Variants in PAK1 observed in about 807,000 individuals in gnomAD.
The protein encoded by PAK1 is p21 (RAC1) activated kinase 1.
In PAK1, 29 loss-of-function variants were observed where a neutral mutation model predicts 67.4. The ratio of observed to expected loss-of-function variants is 0.43; its 90% CI spans 0.32 to 0.59. The LOEUF is 0.59. Ranked by LOEUF, PAK1 falls within the 20% of genes least tolerant of loss-of-function variation. PAK1 has a pLI of 0.07. For missense variants in PAK1, 337 were observed against 670.7 expected (o/e 0.50, Z 5.50); for synonymous variants, 223 against 237.4 (o/e 0.94, Z 0.56).
chr11:77,465,706 G>A (rs1175408778), intron 1 of PAK1, among the ~76,000 whole-genome samples: 2 of 152,156 alleles, frequency 1.3e-5, no homozygotes, highest in African/African-American at 4.8e-5. Context: ...GCTCATGCCT[G>A]TAATTCCAGC....
chr11:77,395,309 G>A (rs955425449), intron 1 of PAK1, among the ~76,000 whole-genome samples: 1 of 152,150 alleles, frequency 6.6e-6, no homozygotes, highest in Non-Finnish European at 1.5e-5. Context: ...GAGCCAGAAT[G>A]TTCCTCAAAT....
At chr11:77,462,474 A>C (rs965618614) in intron 1 of PAK1, among the ~76,000 whole-genome samples, 1 of 151,806 alleles carries the variant, frequency 6.6e-6, no homozygotes, top group African/African-American at 2.4e-5. Context: ...AATACCAGAC[A>C]TTGAAAGGAT....
At chr11:77,460,159 GAAA>G (rs71043579) in intron 1 of PAK1, among the ~76,000 whole-genome samples, 1 of 97,116 alleles carries the variant, frequency 1.0e-5, no homozygotes, top group East Asian at 3.2e-4. Flanking sequence ...CTGTAGAATA[GAAA>G]AAAAAAAAAA....
intron 5 of PAK1, among the ~76,000 whole-genome samples, chr11:77,365,153 G>A (rs1947326181): frequency 6.6e-6 from 1 of 151,306 alleles, no homozygotes; most frequent in Non-Finnish European, 1.5e-5. Context: ...TCAAGAGGGT[G>A]AGGCAGGAGA....
chr11:77,347,720 G>A (rs556503286), intron 9 of PAK1, among the ~76,000 whole-genome samples: 1 of 152,272 alleles, frequency 6.6e-6, no homozygotes, highest in South Asian at 2.1e-4. Flanking sequence ...TTAGCATAAG[G>A]TGTGGCATAA....
chr11:77,355,576 C>T, intron 7 of PAK1, 92 bp downstream of exon 7: 2 of 1,034,684 alleles, frequency 1.9e-6, no homozygotes, highest in Non-Finnish European at 2.9e-6. Context: ...GCATGGCCAG[C>T]CAGCTGCATG....
chr11:77,522,052 T>C, the PAK1 span, among the ~76,000 whole-genome samples: 1 of 152,248 alleles, frequency 6.6e-6, no homozygotes, highest in Non-Finnish European at 1.5e-5. Flanking sequence ...GTTTGCAAAA[T>C]AGACTTTAGT....
At chr11:77,497,422 G>A in the PAK1 span, among the ~76,000 whole-genome samples, 3 of 152,326 alleles carry the variant, frequency 2.0e-5, no homozygotes, top group South Asian at 6.2e-4. Flanking sequence ...TTTTACAGAT[G>A]AGGAAACTGA....
At chr11:77,440,229 T>C (rs959036587) in intron 1 of PAK1, among the ~76,000 whole-genome samples, 1 of 152,140 alleles carries the variant, frequency 6.6e-6, no homozygotes, top group African/African-American at 2.4e-5. Flanking sequence ...TATCCTAAAC[T>C]TTCAAACATA....
chr11:77,355,401 C>T (rs533506019), intron 7 of PAK1, among the ~76,000 whole-genome samples: 3 of 152,214 alleles, frequency 2.0e-5, no homozygotes, highest in Non-Finnish European at 2.9e-5. Context: ...TATTTGTCTT[C>T]GCTATAATAC....
intron 14 of PAK1, chr11:77,325,443 A>C (rs1451948707): frequency 1.3e-6 from 2 of 1,527,044 alleles, no homozygotes; most frequent in Non-Finnish European, 1.8e-6. Flanking sequence ...TAAAGTGCTT[A>C]GTGCCTAAAT....
rs573682123 is a variant in PAK1, at chr11:77,450,975, C to T, written c.-22+22577G>A. Among the ~76,000 whole-genome samples, 66 of 152,334 alleles carry T rather than the reference C, an allele frequency of 4.3e-4. 1 individual carries two copies. The highest frequency in any genetic ancestry group is 6.8e-3 in the Middle Eastern group (2 of 294). ...CTAACAGCAAAGCTCATACCTTACA[C>T]CACCTATAGCCTCTGGAATCAAACT... On this transcript the variant is annotated intron_variant, in intron 1 of 14. Coordinates refer to ENST00000356341, the MANE Select transcript of PAK1 (RefSeq NM_002576.5).
At chr11:77,490,490 C>T in the PAK1 span, among the ~76,000 whole-genome samples, 3 of 147,972 alleles carry the variant, frequency 2.0e-5, no homozygotes, top group African/African-American at 5.0e-5. Context: ...CCAGCCGCCC[C>T]GTCCGGGAGG....
chr11:77,329,932 T>C lies in PAK1; in HGVS notation c.1551+2798A>G, dbSNP rs7925564. On this transcript the variant is annotated intron_variant, in intron 14 of 14. Coordinates refer to ENST00000356341, the MANE Select transcript of PAK1 (RefSeq NM_002576.5). Reference sequence around the variant, plus strand: ...CCTCAAGCTGATAAGCAACTTCAGCTAAGTCTCAGGATACAAAATCAATGT... The same window carrying C: ...CCTCAAGCTGATAAGCAACTTCAGCCAAGTCTCAGGATACAAAATCAATGT... Among the ~76,000 whole-genome samples, 24 of 151,852 alleles carry C rather than the reference T, an allele frequency of 1.6e-4. No homozygotes were observed. The East Asian group carries it at 4.7e-3, about 29-fold the overall frequency.
In PAK1 at chr11:77,343,951, C is replaced by A. The variant is rs761122789; in HGVS notation, c.886-20G>T. The A allele has an allele frequency of 1.3e-6, 2 of 1,486,260 alleles. No individual in the cohort carries two copies. Among genetic ancestry groups the A allele is most frequent in the Admixed American group, 3.3e-5 (2 of 59,840 alleles). 92.1% of individuals were successfully genotyped at this position (1,486,260 alleles called of 1,614,324 possible). A position where few individuals can be genotyped will look rare whatever the true frequency, so the allele number is the denominator to read the frequency against. On this transcript the variant is annotated intron_variant, in intron 9 of 14. Transcript: ENST00000356341. ...GGCCACCTGAAATCAAGAGTATATT[C>A]AATGTGCAACCATAGTCATTCCCAT...
At chr11:77,384,246 G>A (rs1201711073) in intron 2 of PAK1, among the ~76,000 whole-genome samples, 2 of 152,152 alleles carry the variant, frequency 1.3e-5, no homozygotes, top group Non-Finnish European at 2.9e-5. Flanking sequence ...GATTCACAAA[G>A]CACATGACTG....
At chr11:77,458,031 T>C (rs1312052536) in intron 1 of PAK1, among the ~76,000 whole-genome samples, 1 of 152,078 alleles carries the variant, frequency 6.6e-6, no homozygotes, top group African/African-American at 2.4e-5. Flanking sequence ...AAAAACACAA[T>C]CCCAATCTCA....
intron 5 of PAK1, among the ~76,000 whole-genome samples, chr11:77,372,520 C>T (rs1247972913): frequency 6.6e-6 from 1 of 152,084 alleles, no homozygotes; most frequent in Admixed American, 6.5e-5. Context: ...AAAATGACTC[C>T]GAATAAACCA....
intron 1 of PAK1, among the ~76,000 whole-genome samples, chr11:77,467,444 G>C (rs1279252637): frequency 6.6e-6 from 1 of 152,194 alleles, no homozygotes; most frequent in Non-Finnish European, 1.5e-5. Flanking sequence ...AATGCCTGAT[G>C]CATAATATGT....
Sources: gnomAD v4.1 joint callset for allele counts (sites outside exome capture counted in the v4.1 genomes callset) on GRCh38, gnomAD v4.1.1 for gene constraint, MANE v1.5 for transcripts, NCBI Gene and HGNC (gene_info 2026-07-23, HGNC 2026-07-21) for gene names.